Variants in SH3GL3 observed in about 807,000 individuals in gnomAD.
SH3GL3 encodes SH3 domain containing GRB2 like 3, endophilin A3.
SH3GL3 carries 33 observed loss-of-function variants against 47.7 expected under a neutral mutation model. The ratio of observed to expected loss-of-function variants is 0.69; its 90% CI spans 0.52 to 0.92. The LOEUF is 0.92. Among genes scored for constraint, SH3GL3 ranks in the 40% least tolerant of loss-of-function variants. The pLI, the probability that SH3GL3 is intolerant of heterozygous loss-of-function variation, is 0.00. For synonymous variants in SH3GL3, 155 were observed against 148.8 expected, an observed-to-expected ratio of 1.04 and a Z score of -0.30; for missense variants, 363 against 417.8, an observed-to-expected ratio of 0.87 and a Z score of 1.14.
chr15:83,502,925 T>A (rs1318458505), intron 1 of SH3GL3, among the ~76,000 whole-genome samples: 1 of 152,200 alleles, frequency 6.6e-6, no homozygotes, highest in Non-Finnish European at 1.5e-5. Flanking sequence ...CAGAGGCTTA[T>A]GTGACCAGAG....
chr15:83,539,461 T>C (rs1029592283), intron 1 of SH3GL3, among the ~76,000 whole-genome samples: 4 of 152,216 alleles, frequency 2.6e-5, no homozygotes, highest in African/African-American at 7.2e-5. Context: ...AATAGTATCA[T>C]TGGGCAGTTA....
chr15:83,447,861 G>GGGAGGC lies in SH3GL3; in HGVS notation c.45+288_45+293dup, dbSNP rs11282582. Among the ~76,000 whole-genome samples, 711 of 152,260 alleles carry GGGAGGC rather than the reference G, an allele frequency of 4.7e-3. 4 individuals carry two copies. The highest frequency in any genetic ancestry group is 0.016 in the African/African-American group (674 of 41,554). ...GCAGAGGTGGCGGCCGCGGGGACTC[G>GGGAGGC]GGAGGCGGAGACGGAGTGGGCGTGG... On this transcript the variant is annotated intron_variant, in intron 1 of 8. Transcript: ENST00000427482. This position sits in a 1 kb window ranked among gnomAD's most constrained non-coding sequence, Gnocchi z 5.1.
chr15:83,583,474 A>G (rs554669926), intron 6 of SH3GL3, among the ~76,000 whole-genome samples: 1 of 152,174 alleles, frequency 6.6e-6, no homozygotes, highest in Non-Finnish European at 1.5e-5. Context: ...AGCCTTTTGC[A>G]GTTGGCTCAC....
chr15:83,457,342 A>G (rs995653004), intron 1 of SH3GL3, among the ~76,000 whole-genome samples: 4 of 152,300 alleles, frequency 2.6e-5, no homozygotes, highest in Admixed American at 6.5e-5. Flanking sequence ...AACTTCTGTC[A>G]TGTGACTCAG....
rs536618786 is a variant in SH3GL3, at chr15:83,567,726, G to A, written c.188-803G>A. 1.4e-4 allele frequency among the ~76,000 whole-genome samples: 21 copies of A among 152,226 alleles called. No homozygotes were observed. In the South Asian group the frequency reaches 2.3e-3, roughly 17 times the overall value. Reference sequence around the variant, plus strand: ...AGTGTGTGTGTGTGTGCGTGCGCGCGCATGTGGTGTGTGTTAATGACCAGT... The same window carrying A: ...AGTGTGTGTGTGTGTGCGTGCGCGCACATGTGGTGTGTGTTAATGACCAGT... On this transcript the variant is annotated intron_variant, in intron 3 of 8. Transcript: ENST00000427482.
chr15:83,475,265 G>A (rs896953960), intron 1 of SH3GL3, among the ~76,000 whole-genome samples: 3 of 151,876 alleles, frequency 2.0e-5, no homozygotes, highest in Non-Finnish European at 4.4e-5. Flanking sequence ...ATCACATGAG[G>A]CCAGGAGTTC....
At position 83,581,800 on chromosome 15, in the gene SH3GL3, C is replaced by T. The variant is rs34456401; in HGVS notation, c.624+5059C>T. On this transcript the variant is annotated intron_variant, in intron 6 of 8. Transcript: ENST00000427482. Reference sequence around the variant, plus strand: ...TGGGAGAATGAAGAAGAGTCTCCTTCGGCCCCACACTGTAGCCTTTGGTTG... The same window carrying T: ...TGGGAGAATGAAGAAGAGTCTCCTTTGGCCCCACACTGTAGCCTTTGGTTG... Among the ~76,000 whole-genome samples, 215 of 152,348 alleles carry T rather than the reference C, an allele frequency of 1.4e-3. 1 individual carries two copies. Among genetic ancestry groups the T allele is most frequent in the Non-Finnish European group, 2.5e-3 (168 of 68,036 alleles).
chr15:83,488,503 G>A (rs951106876), intron 1 of SH3GL3, among the ~76,000 whole-genome samples: 22 of 152,326 alleles, frequency 1.4e-4, no homozygotes, highest in African/African-American at 4.1e-4. Flanking sequence ...CAGGGTGTCC[G>A]TGGGTCACTG....
chr15:83,620,052 C>T (rs1420866394), downstream of SH3GL3, among the ~76,000 whole-genome samples: 1 of 152,188 alleles, frequency 6.6e-6, no homozygotes, highest in African/African-American at 2.4e-5. Context: ...TTTCTTTGTT[C>T]AACTGTAAGA....
chr15:83,627,917 T>C, the SH3GL3 span, among the ~76,000 whole-genome samples: 1 of 152,202 alleles, frequency 6.6e-6, no homozygotes, highest in African/African-American at 2.4e-5. Context: ...CTGTAAAATG[T>C]TAAGTTATAG....
intron 6 of SH3GL3, among the ~76,000 whole-genome samples, chr15:83,581,769 T>C (rs989330661): frequency 6.6e-6 from 1 of 152,208 alleles, no homozygotes; most frequent in African/African-American, 2.4e-5. Context: ...TTGGCAGAAC[T>C]GGGAATGGGA....
intron 1 of SH3GL3, among the ~76,000 whole-genome samples, chr15:83,491,941 G>A (rs1279333205): frequency 2.6e-5 from 4 of 152,140 alleles, no homozygotes; most frequent in African/African-American, 7.2e-5. Flanking sequence ...TTACCTGTAG[G>A]TTTCTTGCCA....
chr15:83,475,530 A>T (rs564941855), intron 1 of SH3GL3, among the ~76,000 whole-genome samples: 10 of 152,292 alleles, frequency 6.6e-5, no homozygotes, highest in Non-Finnish European at 1.2e-4. Flanking sequence ...GTTAACTAGC[A>T]TTCCTGAATT....
intron 1 of SH3GL3, among the ~76,000 whole-genome samples, chr15:83,545,149 A>G (rs1044859999): frequency 2.0e-5 from 3 of 152,142 alleles, no homozygotes; most frequent in Non-Finnish European, 4.4e-5. Flanking sequence ...TTTAAGGTCA[A>G]TAACTCTTAG....
intron 1 of SH3GL3, among the ~76,000 whole-genome samples, chr15:83,540,959 C>T (rs1034098296): frequency 2.0e-5 from 3 of 152,164 alleles, no homozygotes; most frequent in East Asian, 1.9e-4. Context: ...TCCCAGCCTC[C>T]GGTGACCATC....
chr15:83,463,291 C>G (rs1483022684), intron 1 of SH3GL3, among the ~76,000 whole-genome samples: 2 of 152,170 alleles, frequency 1.3e-5, no homozygotes, highest in Non-Finnish European at 2.9e-5. Flanking sequence ...TGAAAGAACC[C>G]TTGCCTAGTA....
chr15:83,484,353 C>T (rs1163353230), intron 1 of SH3GL3, among the ~76,000 whole-genome samples: 4 of 152,116 alleles, frequency 2.6e-5, no homozygotes, highest in Non-Finnish European at 4.4e-5. Flanking sequence ...TCTGCCATTT[C>T]GTTTTCCTTG....
At position 83,596,786 on chromosome 15, in the gene SH3GL3, T is replaced by A. The variant is rs530536576; in HGVS notation, c.838+8015T>A. Among the ~76,000 whole-genome samples the A allele has an allele frequency of 4.4e-4, 67 of 152,192 alleles. 1 individual carries two copies. Among genetic ancestry groups the A allele is most frequent in the Non-Finnish European group, 8.1e-4 (55 of 68,008 alleles). On this transcript the variant is annotated intron_variant, in intron 8 of 8. Coordinates refer to ENST00000427482, the MANE Select transcript of SH3GL3 (RefSeq NM_003027.5). ...CCCCCACTGATTTATTTATTTATTTTTTTTACTATCTTAAATATCCTTCTC... is the reference window on the plus strand; with the variant it reads ...CCCCCACTGATTTATTTATTTATTTATTTTACTATCTTAAATATCCTTCTC...
At chr15:83,570,701 TAGGAAATTGG>T (rs1293312105) in intron 4 of SH3GL3, among the ~76,000 whole-genome samples, 7 of 152,352 alleles carry the variant, frequency 4.6e-5, no homozygotes, top group Admixed American at 4.6e-4. Context: ...GTAATCATTC[TAGGAAATTGG>T]AGGAAATATC....
Sources: gnomAD v4.1 joint callset for allele counts (sites outside exome capture counted in the v4.1 genomes callset) on GRCh38, gnomAD v4.1.1 for gene constraint, Gnocchi (gnomAD v3.1) non-coding constraint, MANE v1.5 for transcripts, NCBI Gene and HGNC (gene_info 2026-07-23, HGNC 2026-07-21) for gene names.